GRIA1: variants seen among roughly 807,000 people sequenced by gnomAD.
GRIA1 encodes glutamate ionotropic receptor AMPA type subunit 1.
GRIA1 carries 31 observed loss-of-function variants against 99.2 expected under a neutral mutation model. The observed-to-expected ratio is 0.31, with a 90% CI of 0.23 to 0.42. The LOEUF (loss-of-function observed/expected upper bound fraction) is 0.42. Ranked by LOEUF, GRIA1 falls within the 10% of genes least tolerant of loss-of-function variation. The probability of loss-of-function intolerance (pLI) is 1.00; values close to 1 mark genes in which losing one functional copy is unlikely to be tolerated. For missense variants in GRIA1, 782 were observed against 1,157.5 expected, an observed-to-expected ratio of 0.68 and a Z score of 4.71; for synonymous variants, 438 against 432.4, an observed-to-expected ratio of 1.01 and a Z score of -0.16.
chr5:153,810,957 T>A, intron 15 of GRIA1, 68 bp from the exon 16 acceptor site: 1 of 1,097,546 alleles, frequency 9.1e-7, no homozygotes, highest in Middle Eastern at 2.1e-4. Context: ...TGAAGTCCAG[T>A]CTTGACTCAT....
chr5:153,777,232 A>C (rs1764313174), intron 13 of GRIA1, among the ~76,000 whole-genome samples: 1 of 152,148 alleles, frequency 6.6e-6, no homozygotes, highest in African/African-American at 2.4e-5. Context: ...CAAGGGCTAG[A>C]AGAGGTCAGG....
At chr5:153,760,661 A>T (rs2149602941) in intron 11 of GRIA1, among the ~76,000 whole-genome samples, 1 of 152,230 alleles carries the variant, frequency 6.6e-6, no homozygotes, top group South Asian at 2.1e-4. Context: ...TCTTCACAAA[A>T]ATAGAAAAAT....
intron 2 of GRIA1, among the ~76,000 whole-genome samples, chr5:153,541,755 C>G (rs1320392775): frequency 6.6e-6 from 1 of 151,892 alleles, no homozygotes; most frequent in South Asian, 2.1e-4. Flanking sequence ...CATAGTGAAA[C>G]CCCATCTCTA....
chr5:153,762,201 G>A (rs1291124170), intron 11 of GRIA1, among the ~76,000 whole-genome samples: 3 of 152,026 alleles, frequency 2.0e-5, no homozygotes, highest in African/African-American at 4.8e-5. Context: ...AAATGTTTGA[G>A]GTGATGTACA....
At chr5:153,493,833 C>T in intron 1 of GRIA1, 95 bp from the exon 2 acceptor site, 1 of 1,267,718 alleles carries the variant, frequency 7.9e-7, no homozygotes, top group South Asian at 1.3e-5. Flanking sequence ...GTGAGTTTGG[C>T]ATGGGGAGAA....
Position 153,706,002 on chromosome 5 carries a change from G to C in GRIA1, c.1758G>C (p.Gly586=). ...CCAGTGACCAGTCCAATGAGTTTGG[G>C]ATATTCAACAGTTTGTGGTTCTCCC... ...QTTSDQSNEF[G]IFNSLWFSLG... Residue 586 remains glycine (G), a synonymous_variant, in exon 11 of 16, where the codon GGG becomes GGC. Transcript: ENST00000285900. 6.2e-7 allele frequency: 1 copy of C among 1,613,944 alleles called. No individual in the cohort carries two copies. The highest frequency in any genetic ancestry group is 8.5e-7 in the Non-Finnish European group (1 of 1,179,898).
chr5:153,744,655 AT>A (rs1466756930), intron 11 of GRIA1, among the ~76,000 whole-genome samples: 1 of 152,230 alleles, frequency 6.6e-6, no homozygotes, highest in Non-Finnish European at 1.5e-5. Context: ...TCCTTTAATG[AT>A]TTAATAATTT....
At chr5:153,761,304 A>G (rs1286624816) in intron 11 of GRIA1, among the ~76,000 whole-genome samples, 1 of 152,176 alleles carries the variant, frequency 6.6e-6, no homozygotes, top group African/African-American at 2.4e-5. Flanking sequence ...TTCAAAATAT[A>G]TAAGGACTCA....
chr5:153,732,847 A>G (rs1404724754), intron 11 of GRIA1, among the ~76,000 whole-genome samples: 1 of 151,510 alleles, frequency 6.6e-6, no homozygotes, highest in Non-Finnish European at 1.5e-5. Context: ...GGAGTTTTAC[A>G]GTTTCTGGTC....
chr5:153,744,301 A>C (rs1448442274), intron 11 of GRIA1, among the ~76,000 whole-genome samples: 2 of 152,210 alleles, frequency 1.3e-5, no homozygotes, highest in African/African-American at 4.8e-5. Flanking sequence ...TTTAAAGAAA[A>C]AAGTTTGTTA....
chr5:153,669,376 A>C (rs1755982969), intron 5 of GRIA1, among the ~76,000 whole-genome samples: 2 of 152,194 alleles, frequency 1.3e-5, no homozygotes. Flanking sequence ...TCTTATAAGC[A>C]ATGCTTCTGA....
chr5:153,728,297 C>T (rs1042727060), intron 11 of GRIA1, among the ~76,000 whole-genome samples: 45 of 150,584 alleles, frequency 3.0e-4, no homozygotes, highest in African/African-American at 1.1e-3. Flanking sequence ...AAAACCTAGG[C>T]ATTACCATTC....
At chr5:153,794,923 C>A (rs569684463) in intron 14 of GRIA1, among the ~76,000 whole-genome samples, 188 bp downstream of exon 14, 9 of 152,270 alleles carry the variant, frequency 5.9e-5, no homozygotes, top group East Asian at 1.9e-4. Flanking sequence ...TTCCAAGGGG[C>A]CTTCTGGTTT....
At position 153,623,642 on chromosome 5, in the gene GRIA1, G is replaced by A. The variant is rs145655807; in HGVS notation, c.221-23286G>A. Among the ~76,000 whole-genome samples, 883 of 152,204 alleles carry A rather than the reference G, an allele frequency of 5.8e-3. 3 individuals are homozygous for A. Among genetic ancestry groups the A allele is most frequent in the Non-Finnish European group, 9.7e-3 (663 of 68,014 alleles). On this transcript the variant is annotated intron_variant, in intron 2 of 15. Transcript: ENST00000285900. ...CTCTGTTAGTTCTATCAACATGGAC[G>A]GCGTTAATATGACAGAATATTTGTT...
chr5:153,642,684 A>G (rs1447390570), intron 2 of GRIA1, among the ~76,000 whole-genome samples: 2 of 151,972 alleles, frequency 1.3e-5, no homozygotes. Flanking sequence ...AGAGAACACC[A>G]TATTCAAGTG....
In GRIA1 at chr5:153,655,799, C is replaced by G; in HGVS notation, c.646-20C>G. ...AACTGTTAGTATGATTAATGAGTCT[C>G]CACCTATTATGTTTTGTAGATTATA... On this transcript the variant is annotated intron_variant, in intron 4 of 15. Coordinates refer to ENST00000285900, the MANE Select transcript of GRIA1 (RefSeq NM_000827.4). The G allele has an allele frequency of 6.2e-7, 1 of 1,608,466 alleles. No homozygotes were observed. The highest frequency in any genetic ancestry group is 1.1e-5 in the South Asian group (1 of 90,922).
intron 7 of GRIA1, among the ~76,000 whole-genome samples, chr5:153,685,940 G>A (rs1044922559): frequency 6.6e-6 from 1 of 152,176 alleles, no homozygotes; most frequent in Non-Finnish European, 1.5e-5. Flanking sequence ...TTTGGTTAGG[G>A]ATGGTGCAGA....
At position 153,770,407 on chromosome 5, in the gene GRIA1, T is replaced by C. The variant is rs373232655; in HGVS notation, c.2262T>C (p.Ser754=). The C allele has an allele frequency of 4.4e-5, 71 of 1,611,650 alleles. No homozygotes were observed. The African/African-American group carries it at 9.1e-4, about 21-fold the overall frequency. Reference sequence around the variant, plus strand: ...ATGGCATTGCAACACCCAAGGGGTCTGCCCTGAGGTAAGTAGCCAAGATTT... The same window carrying C: ...ATGGCATTGCAACACCCAAGGGGTCCGCCCTGAGGTAAGTAGCCAAGATTT... ...KGYGIATPKG[S]ALRNPVNLAV... is the part of the protein sequence containing the mutation. The change falls in exon 13 of 16, where the codon TCT becomes TCC. Residue 754 remains serine (S), a synonymous_variant. Transcript: ENST00000285900.
chr5:153,655,380 T>G (rs1754866437), intron 4 of GRIA1, among the ~76,000 whole-genome samples: 1 of 152,154 alleles, frequency 6.6e-6, no homozygotes, highest in African/African-American at 2.4e-5. Flanking sequence ...TTAACTCATC[T>G]GTTTTTCCAA....
Sources: allele counts gnomAD v4.1 joint callset (sites outside exome capture counted in the v4.1 genomes callset), GRCh38; gene constraint gnomAD v4.1.1; transcripts MANE v1.5; gene names NCBI Gene and HGNC (gene_info 2026-07-23, HGNC 2026-07-21).